VPS54: variants seen among roughly 807,000 people sequenced by gnomAD.
VPS54 encodes the protein vacuolar protein sorting-associated protein 54.
In VPS54, 45 loss-of-function variants were observed where a neutral mutation model predicts 121.5. That is an observed-to-expected ratio of 0.37 (90% CI 0.29 to 0.47). The LOEUF is 0.47. Ranked by LOEUF, VPS54 falls within the 20% of genes least tolerant of loss-of-function variation. VPS54 has a pLI of 0.99. For missense variants in VPS54, 1,090 were observed against 1,131.4 expected (o/e 0.96, Z 0.52); for synonymous variants, 371 against 385.8 (o/e 0.96, Z 0.45).
rs138169312 is a variant in VPS54 at position 63,924,554 on chromosome 2, T to C, written c.1740-3219A>G. Among the ~76,000 whole-genome samples the C allele has an allele frequency of 6.4e-4, 97 of 152,254 alleles. 1 individual carries two copies. In the East Asian group the frequency reaches 0.015, roughly 23 times the overall value. On this transcript the variant is annotated intron_variant, in intron 12 of 22. Coordinates refer to ENST00000272322, the MANE Select transcript of VPS54 (RefSeq NM_016516.3). ...ATTAAAAAGCTACAGTTGCTGGGCATGGTGGTTCACGCCTAGCACTCTGGG... is the reference window on the plus strand; with the variant it reads ...ATTAAAAAGCTACAGTTGCTGGGCACGGTGGTTCACGCCTAGCACTCTGGG...
intron 1 of VPS54, among the ~76,000 whole-genome samples, chr2:63,999,228 G>C (rs573842694): frequency 1.3e-5 from 2 of 152,310 alleles, no homozygotes; most frequent in South Asian, 4.1e-4. Context: ...AGGATTACCG[G>C]TGTGAGCCAC....
intron 5 of VPS54, among the ~76,000 whole-genome samples, chr2:63,968,406 CG>C (rs1676111993): frequency 6.7e-6 from 1 of 149,400 alleles, no homozygotes; most frequent in Non-Finnish European, 1.5e-5. Context: ...AACATTTTTT[CG>C]TTTAAAAAAA....
At chr2:63,909,265 C>T (rs1005043523) in intron 20 of VPS54, among the ~76,000 whole-genome samples, 8 of 152,108 alleles carry the variant, frequency 5.3e-5, no homozygotes, top group African/African-American at 1.9e-4. Context: ...TTGTGTATCC[C>T]TGATACTGAA....
intron 13 of VPS54, 101 bp from the exon 14 acceptor site, chr2:63,920,728 TTAA>T (rs1267144170): frequency 4.5e-6 from 3 of 659,430 alleles, no homozygotes; most frequent in African/African-American, 1.9e-5. Context: ...ATTTTTTATT[TTAA>T]TAATATTTCC....
rs1350103441 is a variant in VPS54, at chr2:63,912,605, G to A, written c.2479C>T (p.His827Tyr). The change falls in exon 19 of 23, where the codon CAT (histidine) becomes TAT (tyrosine). Residue 827 changes from histidine to tyrosine, a missense_variant. Physicochemically the swap from His to Tyr is moderately conservative, Grantham distance 83. Transcript: ENST00000272322. Reference sequence around the variant, plus strand: ...TTAGGTGGTAGTCGAGCTTCAAAATGAGCCCGGATCACAGGAATGTAGTGC... The same window carrying A: ...TTAGGTGGTAGTCGAGCTTCAAAATAAGCCCGGATCACAGGAATGTAGTGC... ...IVHYIPVIRAHFEARLPPKQY... is the reference protein window; with the variant it reads ...IVHYIPVIRAYFEARLPPKQY... 25 of 1,596,546 alleles carry A rather than the reference G, an allele frequency of 1.6e-5. No homozygotes were observed. The highest frequency in any genetic ancestry group is 2.0e-5 in the Non-Finnish European group (24 of 1,176,010).
chr2:63,994,835 T>A (rs1677503450), intron 1 of VPS54, among the ~76,000 whole-genome samples: 2 of 152,240 alleles, frequency 1.3e-5, no homozygotes, highest in Admixed American at 6.5e-5. Context: ...TGTTTATAAA[T>A]GACTCATATG....
At chr2:63,906,065 C>A (rs1157621755) in intron 20 of VPS54, among the ~76,000 whole-genome samples, 1 of 152,130 alleles carries the variant, frequency 6.6e-6, no homozygotes, top group African/African-American at 2.4e-5. Flanking sequence ...AAAAAACCTA[C>A]AGCTAACATC....
chr2:63,928,261 G>A (rs1336089239), intron 12 of VPS54, among the ~76,000 whole-genome samples: 1 of 152,208 alleles, frequency 6.6e-6, no homozygotes, highest in East Asian at 1.9e-4. Flanking sequence ...GGCAGCCAGA[G>A]AGAAAGGTCA....
rs758902980 is a variant in VPS54, at chr2:63,893,514, A to T, written c.2850T>A (p.Ala950=). The T allele has an allele frequency of 6.2e-6, 10 of 1,613,908 alleles. No homozygotes were observed. Among genetic ancestry groups the T allele is most frequent in the Non-Finnish European group, 7.6e-6 (9 of 1,179,958 alleles). ...PQNGLVTADV[A]FYTGNLQALK... is the part of the protein sequence containing the mutation. The stretch of plus-strand genomic sequence containing the variant: ...AGGCTTGAAGATTTCCAGTGTAAAA[A>T]GCTACATCTGCTGTGACCAACCTAA... Residue 950 remains alanine (A), a synonymous_variant, in exon 23 of 23, where the codon GCT becomes GCA. Transcript: ENST00000272322.
At chr2:63,995,756 CG>C (rs1677552774) in intron 1 of VPS54, among the ~76,000 whole-genome samples, 1 of 152,206 alleles carries the variant, frequency 6.6e-6, no homozygotes, top group Admixed American at 6.5e-5. Context: ...TTCAGATTTC[CG>C]TATCACCCTG....
intron 1 of VPS54, among the ~76,000 whole-genome samples, chr2:63,995,036 C>G (rs899579484): frequency 6.6e-6 from 1 of 152,156 alleles, no homozygotes; most frequent in Non-Finnish European, 1.5e-5. Context: ...CCATCTGAGG[C>G]CTCGTATGAT....
At chr2:63,991,640 C>T (rs1395068215) in intron 1 of VPS54, among the ~76,000 whole-genome samples, 1 of 152,198 alleles carries the variant, frequency 6.6e-6, no homozygotes, top group Non-Finnish European at 1.5e-5. Flanking sequence ...CACGTCGTCG[C>T]AAGGTAAACA....
At chr2:63,909,993 G>T (rs997719562) in intron 20 of VPS54, among the ~76,000 whole-genome samples, 1 of 152,100 alleles carries the variant, frequency 6.6e-6, no homozygotes, top group Non-Finnish European at 1.5e-5. Flanking sequence ...TCCCAAAAGT[G>T]CTGGGATTAC....
chr2:63,922,952 A>T (rs1373178525), intron 12 of VPS54, among the ~76,000 whole-genome samples: 2 of 152,086 alleles, frequency 1.3e-5, no homozygotes, highest in Non-Finnish European at 2.9e-5. Flanking sequence ...AAAAAGAGTG[A>T]ATTAATCCAA....
At chr2:63,973,833 A>T (rs1187232512) in intron 3 of VPS54, among the ~76,000 whole-genome samples, 2 of 152,176 alleles carry the variant, frequency 1.3e-5, no homozygotes, top group Admixed American at 1.3e-4. Context: ...GGTGTAAGCC[A>T]CCACACCTGA....
chr2:63,910,516 T>A (rs1251118008), intron 20 of VPS54, among the ~76,000 whole-genome samples: 1 of 152,182 alleles, frequency 6.6e-6, no homozygotes, highest in Non-Finnish European at 1.5e-5. Context: ...GAATAAATAT[T>A]AGATGATTTT....
intron 7 of VPS54, 81 bp downstream of exon 7, chr2:63,961,977 C>T: frequency 5.9e-6 from 8 of 1,367,326 alleles, no homozygotes; most frequent in Non-Finnish European, 7.8e-6. Flanking sequence ...TGAATATATT[C>T]ACACTTTTAA....
chr2:63,923,040 G>A (rs576606807), intron 12 of VPS54, among the ~76,000 whole-genome samples: 7 of 152,152 alleles, frequency 4.6e-5, no homozygotes, highest in South Asian at 2.1e-4. Context: ...GGGCTGGGGC[G>A]CGGTGGCTCA....
chr2:63,959,869 A>G (rs1675673324), intron 7 of VPS54, among the ~76,000 whole-genome samples: 2 of 152,032 alleles, frequency 1.3e-5, no homozygotes, highest in Non-Finnish European at 2.9e-5. Context: ...AAAAATACAA[A>G]AATTAGCTGG....
Sources: gnomAD v4.1 joint callset for allele counts (sites outside exome capture counted in the v4.1 genomes callset) on GRCh38, gnomAD v4.1.1 for gene constraint, MANE v1.5 for transcripts, NCBI Gene and HGNC (gene_info 2026-07-23, HGNC 2026-07-21) for gene names.